The following MIGA1 variants were observed in gnomAD, a reference collection of about 807,000 sequenced individuals.
MIGA1 encodes mitoguardin 1.
In MIGA1, 58 loss-of-function variants were observed where a neutral mutation model predicts 82.0. The ratio of observed to expected loss-of-function variants is 0.71; its 90% CI spans 0.57 to 0.88. The LOEUF (loss-of-function observed/expected upper bound fraction) is 0.88. Among genes scored for constraint, MIGA1 ranks in the 40% least tolerant of loss-of-function variants. The pLI, the probability that MIGA1 is intolerant of heterozygous loss-of-function variation, is 0.00. For missense variants in MIGA1, 751 were observed against 749.1 expected (o/e 1.00, Z -0.03); for synonymous variants, 249 against 253.6 (o/e 0.98, Z 0.17).
At chr1:77,846,589 C>T (rs940410192) in intron 8 of MIGA1, among the ~76,000 whole-genome samples, 3 of 151,972 alleles carry the variant, frequency 2.0e-5, no homozygotes, top group African/African-American at 7.2e-5. Flanking sequence ...CCTCGTTGGC[C>T]TCCCAAAGTG....
chr1:77,848,817 G>T lies in MIGA1; in HGVS notation c.996+5410G>T, dbSNP rs560217367. On this transcript the variant is annotated intron_variant, in intron 8 of 15. Transcript: ENST00000370791. ...AAGATGATTGATGGCTACCCCAAGA[G>T]AAAGATTTAAGGAAGCACAGAAAAC... is the stretch of plus-strand genomic sequence containing the variant. The T allele has an allele frequency of 3.1e-5, 36 of 1,171,974 alleles. No individual in the cohort carries two copies. In the South Asian group the frequency reaches 7.9e-4, roughly 26 times the overall value. The allele number at this position is 1,171,974 out of a possible 1,614,324, so 72.6% of individuals were successfully genotyped here.
At chr1:77,840,546 C>T (rs766430498) in intron 7 of MIGA1, among the ~76,000 whole-genome samples, 1 of 152,132 alleles carries the variant, frequency 6.6e-6, no homozygotes, top group Non-Finnish European at 1.5e-5. Context: ...GGCTCTCACA[C>T]CTGTAATCCC....
At chr1:77,796,328 C>T (rs1004426640) in intron 2 of MIGA1, among the ~76,000 whole-genome samples, 1 of 151,992 alleles carries the variant, frequency 6.6e-6, no homozygotes, top group African/African-American at 2.4e-5. Flanking sequence ...CCATATTAGC[C>T]AGGATGGTCT....
At chr1:77,871,119 G>A (rs1348080374) in intron 14 of MIGA1, among the ~76,000 whole-genome samples, 1 of 27,592 alleles carries the variant, frequency 3.6e-5, no homozygotes, top group African/African-American at 6.9e-5. Flanking sequence ...GAGAGGGAGA[G>A]GGAGAGGAGG....
In MIGA1 at chr1:77,801,403, G is replaced by A. The variant is rs1243493943; in HGVS notation, c.268G>A (p.Ala90Thr). The change falls in exon 3 of 16, where the codon GCT (alanine) becomes ACT (threonine). Residue 90 changes from alanine (A) to threonine (T), a missense_variant. Transcript: ENST00000370791. ...GAGTGCTATATCTGTAATTTTTCTGGCTCATCACTTTAAAAGAAAACGTGG... is the reference window on the plus strand; with the variant it reads ...GAGTGCTATATCTGTAATTTTTCTGACTCATCACTTTAAAAGAAAACGTGG... The A allele has an allele frequency of 1.9e-6, 3 of 1,606,850 alleles. No homozygotes were observed. Among genetic ancestry groups the A allele is most frequent in the South Asian group, 1.1e-5 (1 of 89,590 alleles).
At chr1:77,842,630 C>T (rs369579878) in intron 7 of MIGA1, among the ~76,000 whole-genome samples, 1 of 152,192 alleles carries the variant, frequency 6.6e-6, no homozygotes, top group Admixed American at 6.5e-5. Flanking sequence ...TTACTGCAAC[C>T]TCCACCTCCC....
At chr1:77,848,756 T>C in intron 8 of MIGA1, 5 of 1,403,606 alleles carry the variant, frequency 3.6e-6, no homozygotes, top group Middle Eastern at 1.8e-4. Flanking sequence ...GCCAGGCAGA[T>C]GGTGCAGGTT....
At chr1:77,785,977 G>A (rs1163181723) in intron 2 of MIGA1, among the ~76,000 whole-genome samples, 2 of 152,230 alleles carry the variant, frequency 1.3e-5, no homozygotes, top group African/African-American at 4.8e-5. Context: ...CCTAGCAGAG[G>A]TTCTCCATGA....
Position 77,876,269 on chromosome 1 carries a change from C to T in MIGA1, c.*1205C>T, listed in dbSNP as rs1646893016. On this transcript the variant is annotated 3_prime_UTR_variant, in exon 16 of 16. Coordinates refer to ENST00000370791, the MANE Select transcript of MIGA1 (RefSeq NM_198549.4). ...AGGCTGTCATGAGCTGTGATTGCAT[C>T]ACTGCACTCCAGCCTGGGCGACAGC... The T allele has an allele frequency of 6.6e-6, 1 of 152,182 alleles. No individual in the cohort carries two copies. The highest frequency in any genetic ancestry group is 6.5e-5 in the Admixed American group (1 of 15,280). 9.4% of individuals were successfully genotyped at this position (152,182 alleles called of 1,614,324 possible).
intron 4 of MIGA1, 113 bp from the exon 5 acceptor site, chr1:77,806,862 C>A: frequency 7.4e-4 from 417 of 562,668 alleles, no homozygotes; most frequent in Middle Eastern, 2.1e-3. Context: ...GTGGAAATTA[C>A]ATGGATTGTC....
At chr1:77,792,205 A>G (rs990283361) in intron 2 of MIGA1, among the ~76,000 whole-genome samples, 3 of 152,228 alleles carry the variant, frequency 2.0e-5, no homozygotes, top group Non-Finnish European at 1.5e-5. Flanking sequence ...TGGGAAACAT[A>G]AGAGTAACAC....
chr1:77,866,471 G>A (rs1195713292), intron 14 of MIGA1, 80 bp downstream of exon 14: 1 of 1,347,442 alleles, frequency 7.4e-7, no homozygotes. Flanking sequence ...CACTTCTCCG[G>A]TGGGAATTGG....
intron 8 of MIGA1, among the ~76,000 whole-genome samples, chr1:77,844,135 T>TAG (rs1553223169): frequency 6.4e-4 from 72 of 112,508 alleles, no homozygotes; most frequent in African/African-American, 1.9e-3. Flanking sequence ...TATATATATA[T>TAG]ATAGATAGAT....
chr1:77,849,727 A>T (rs1444526600), intron 8 of MIGA1, among the ~76,000 whole-genome samples: 1 of 152,002 alleles, frequency 6.6e-6, no homozygotes, highest in Non-Finnish European at 1.5e-5. Context: ...ATCATTTAAA[A>T]TTTTTCTTCT....
chr1:77,779,675 C>A lies in MIGA1; in HGVS notation c.20C>A (p.Ala7Glu). Reference sequence around the variant, plus strand: ...TTCTCCATGTCAGACTGCTGCTCAGCGCCAGGCATCAGCTGGGAAGCTGGC... The same window carrying A: ...TTCTCCATGTCAGACTGCTGCTCAGAGCCAGGCATCAGCTGGGAAGCTGGC... Residue 7 changes from alanine (A) to glutamate (E), a missense_variant, in exon 1 of 16, where the codon GCG becomes GAG. Around this residue, in one of 3 missense-constraint regions of MIGA1, gnomAD observed 482 missense variants for 439.4 expected, o/e 1.10. Transcript: ENST00000370791. The A allele has an allele frequency of 6.3e-7, 1 of 1,587,012 alleles. No homozygotes were observed. Among genetic ancestry groups the A allele is most frequent in the African/African-American group, 1.3e-5 (1 of 74,588 alleles).
intron 2 of MIGA1, 31 bp from the exon 3 acceptor site, chr1:77,801,299 AT>A (rs766068425): frequency 2.0e-6 from 3 of 1,501,376 alleles, no homozygotes; most frequent in African/African-American, 2.9e-5. Flanking sequence ...AATTAAAGAG[AT>A]TTTTTTCAAT....
At chr1:77,829,505 G>A (rs1472731891) in intron 7 of MIGA1, among the ~76,000 whole-genome samples, 1 of 152,142 alleles carries the variant, frequency 6.6e-6, no homozygotes, top group Non-Finnish European at 1.5e-5. Context: ...GTCTCGTTCT[G>A]TCACCTAGGC....
chr1:77,835,097 AAT>A (rs1444373261), intron 7 of MIGA1, among the ~76,000 whole-genome samples: 20 of 152,232 alleles, frequency 1.3e-4, no homozygotes, highest in African/African-American at 4.8e-4. Context: ...GCAAAAGTGA[AAT>A]GTAGAAAACC....
chr1:77,852,133 C>G (rs988993895), intron 8 of MIGA1, among the ~76,000 whole-genome samples: 1 of 152,118 alleles, frequency 6.6e-6, no homozygotes, highest in African/African-American at 2.4e-5. Flanking sequence ...GATCTGCGCA[C>G]GTCAACCTCC....
Sources: allele counts gnomAD v4.1 joint callset (sites outside exome capture counted in the v4.1 genomes callset), GRCh38; gene constraint gnomAD v4.1.1; regional missense constraint gnomAD v4.1.1; transcripts MANE v1.5; gene names NCBI Gene and HGNC (gene_info 2026-07-23, HGNC 2026-07-21).